Variants in TENM2 observed in about 807,000 individuals in gnomAD.
TENM2 encodes teneurin-2.
Under a neutral mutation model 245.2 loss-of-function variants are expected in TENM2, and 52 were observed. That is an observed-to-expected ratio of 0.21 (90% CI 0.17 to 0.27). TENM2 has a LOEUF of 0.27. Among genes scored for constraint, TENM2 ranks in the 10% least tolerant of loss-of-function variants. The probability of loss-of-function intolerance (pLI) is 1.00; values close to 1 mark genes in which losing one functional copy is unlikely to be tolerated. For missense variants in TENM2, 3,046 were observed against 3,666.8 expected, an observed-to-expected ratio of 0.83 and a Z score of 4.37; for synonymous variants, 1,363 against 1,438.9, an observed-to-expected ratio of 0.95 and a Z score of 1.19.
chr5:167,707,125 C>A (rs2150467684), intron 2 of TENM2, among the ~76,000 whole-genome samples: 1 of 150,576 alleles, frequency 6.6e-6, no homozygotes, highest in South Asian at 2.1e-4. Flanking sequence ...TAGGTGATAT[C>A]TCAGTGTGGT....
At chr5:167,907,151 G>A (rs1286595568) in intron 3 of TENM2, among the ~76,000 whole-genome samples, 1 of 152,068 alleles carries the variant, frequency 6.6e-6, no homozygotes, top group Non-Finnish European at 1.5e-5. Flanking sequence ...AGAATCACTT[G>A]AACTCAGGAG....
chr5:167,822,003 G>C (rs1393517696), intron 2 of TENM2, among the ~76,000 whole-genome samples: 1 of 152,018 alleles, frequency 6.6e-6, no homozygotes, highest in Non-Finnish European at 1.5e-5. Flanking sequence ...GGCGAAACAG[G>C]GTTTTTGTTT....
chr5:167,063,213 C>A, the TENM2 span, among the ~76,000 whole-genome samples: 32 of 152,134 alleles, frequency 2.1e-4, no homozygotes, highest in African/African-American at 7.7e-4. Context: ...CAGAGATAAA[C>A]CTTGTCTTGC....
chr5:167,149,070 A>T, the TENM2 span, among the ~76,000 whole-genome samples: 1 of 152,122 alleles, frequency 6.6e-6, no homozygotes, highest in African/African-American at 2.4e-5. Context: ...CACAAGGTGC[A>T]GGTTAGTTAC....
rs138657357 is a variant in TENM2 at position 167,374,260 on chromosome 5, T to C, written c.227-938T>C. The stretch of plus-strand genomic sequence containing the variant: ...ATACTTGCCACTATGTTACTTTGCC[T>C]ACAGTATTCAGTACATAACATGCTG... On this transcript the variant is annotated intron_variant, in intron 1 of 28. Coordinates refer to ENST00000518659, the Ensembl canonical transcript of TENM2. 1.5e-3 allele frequency among the ~76,000 whole-genome samples: 232 copies of C among 152,326 alleles called. 2 individuals are homozygous for C. The highest frequency in any genetic ancestry group is 5.1e-3 in the African/African-American group (210 of 41,578).
intron 2 of TENM2, among the ~76,000 whole-genome samples, chr5:167,389,404 A>T (rs1761631927): frequency 6.6e-6 from 1 of 151,926 alleles, no homozygotes. Context: ...GGAAATTAAT[A>T]ATTTTACAGA....
At chr5:167,561,514 A>G (rs887117747) in intron 2 of TENM2, among the ~76,000 whole-genome samples, 10 of 152,360 alleles carry the variant, frequency 6.6e-5, no homozygotes, top group Non-Finnish European at 1.2e-4. Context: ...GGTTCAAAAC[A>G]GTTGCCCAAA....
chr5:167,168,786 G>T, the TENM2 span, among the ~76,000 whole-genome samples: 1 of 152,138 alleles, frequency 6.6e-6, no homozygotes, highest in Non-Finnish European at 1.5e-5. Context: ...TTGAGACAGA[G>T]TCTCGCTCTG....
chr5:167,911,347 A>C (rs1250702279), intron 3 of TENM2, among the ~76,000 whole-genome samples: 1 of 152,126 alleles, frequency 6.6e-6, no homozygotes, highest in Non-Finnish European at 1.5e-5. Context: ...TAACACGGTG[A>C]AACCCCGTCT....
the TENM2 span, among the ~76,000 whole-genome samples, chr5:167,051,220 GA>G: frequency 2.0e-3 from 275 of 138,546 alleles, 1 homozygote; most frequent in Admixed American, 3.9e-3. Context: ...AGGGGTGAAA[GA>G]AAAAAAAAAA....
the TENM2 span, among the ~76,000 whole-genome samples, chr5:167,041,102 A>C: frequency 6.6e-6 from 1 of 152,204 alleles, no homozygotes; most frequent in African/African-American, 2.4e-5. Flanking sequence ...TGCAGGTGAT[A>C]AATCACGTAA....
At chr5:167,693,247 T>C (rs1446167105) in intron 2 of TENM2, among the ~76,000 whole-genome samples, 2 of 152,068 alleles carry the variant, frequency 1.3e-5, no homozygotes, top group Non-Finnish European at 2.9e-5. Flanking sequence ...CTCCAAAGAC[T>C]AAGAAATCTG....
intron 2 of TENM2, among the ~76,000 whole-genome samples, chr5:167,509,683 A>C (rs2127567623): frequency 6.6e-6 from 1 of 152,348 alleles, no homozygotes; most frequent in African/African-American, 2.4e-5. Context: ...AAGAGCGAAC[A>C]TTGACTGAGC....
rs1561945765 is a variant in TENM2, at chr5:167,427,534, T to TGGGAAGGAAGGGAAGGAC, written c.502+52079_502+52096dup. On this transcript the variant is annotated intron_variant, in intron 2 of 28. Coordinates refer to ENST00000518659, the Ensembl canonical transcript of TENM2. ...GGGAAGGAAGGGAGGGAGGGAAGGA[T>TGGGAAGGAAGGGAAGGAC]GGGAAGGAAGGGAAGGACGGGAAGG... Among the ~76,000 whole-genome samples, 93 of 39,500 alleles carry TGGGAAGGAAGGGAAGGAC rather than the reference T, an allele frequency of 2.4e-3. 3 individuals are homozygous for TGGGAAGGAAGGGAAGGAC. The highest frequency in any genetic ancestry group is 3.7e-3 in the Non-Finnish European group (74 of 19,902). The allele number at this position is 39,500 out of a possible 152,430, so 25.9% of individuals were successfully genotyped here. A position where few individuals can be genotyped will look rare whatever the true frequency, so the allele number is the denominator to read the frequency against.
intron 13 of TENM2, among the ~76,000 whole-genome samples, chr5:168,164,056 C>G (rs766945009): frequency 6.6e-6 from 1 of 152,144 alleles, no homozygotes; most frequent in African/African-American, 2.4e-5. Context: ...GTTCAAGGCC[C>G]AGGAAAGGCC....
chr5:167,136,781 T>C, the TENM2 span, among the ~76,000 whole-genome samples: 1 of 152,190 alleles, frequency 6.6e-6, no homozygotes, highest in Admixed American at 6.5e-5. Context: ...CATGTGATAT[T>C]CCATGTATCA....
chr5:167,610,498 G>A (rs1777405448), intron 2 of TENM2, among the ~76,000 whole-genome samples: 1 of 152,070 alleles, frequency 6.6e-6, no homozygotes, highest in East Asian at 1.9e-4. Flanking sequence ...CATCTCATTA[G>A]CAAACAAAAG....
At chr5:168,004,785 A>G (rs910949625) in intron 5 of TENM2, among the ~76,000 whole-genome samples, 1 of 152,000 alleles carries the variant, frequency 6.6e-6, no homozygotes, top group Non-Finnish European at 1.5e-5. Flanking sequence ...TGCACCTTTA[A>G]ATCGCCTTGG....
At chr5:167,394,616 C>CA (rs1761952342) in intron 2 of TENM2, among the ~76,000 whole-genome samples, 2 of 151,986 alleles carry the variant, frequency 1.3e-5, no homozygotes, top group African/African-American at 4.8e-5. Flanking sequence ...TCTTTGGAGA[C>CA]AGAGTCTCAC....
Sources: allele counts gnomAD v4.1 joint callset (sites outside exome capture counted in the v4.1 genomes callset), GRCh38; gene constraint gnomAD v4.1.1; transcripts MANE v1.5; gene names NCBI Gene and HGNC (gene_info 2026-07-23, HGNC 2026-07-21).